Variants in BFSP2 observed in about 807,000 individuals in gnomAD.
BFSP2 encodes phakinin.
BFSP2 carries 38 observed loss-of-function variants against 44.9 expected under a neutral mutation model. That is an observed-to-expected ratio of 0.85 (90% CI 0.65 to 1.11). The LOEUF is 1.11. Among genes scored for constraint, BFSP2 ranks in the 50% least tolerant of loss-of-function variants. BFSP2 has a pLI of 0.00. For synonymous variants in BFSP2, 197 were observed against 209.9 expected (o/e 0.94, Z 0.53); for missense variants, 525 against 533.0 (o/e 0.99, Z 0.15).
intron 4 of BFSP2, among the ~76,000 whole-genome samples, chr3:133,464,795 C>T (rs2074094061): frequency 1.3e-5 from 2 of 152,180 alleles, no homozygotes; most frequent in South Asian, 4.2e-4. Context: ...GTCTGTGTTC[C>T]ATGGGCAGAA....
chr3:133,474,911 G>A, intron 6 of BFSP2, 58 bp from the exon 7 acceptor site: 1 of 1,606,420 alleles, frequency 6.2e-7, no homozygotes, highest in Non-Finnish European at 8.5e-7. Context: ...ATCCTATTGT[G>A]ATAGAATGAC....
At chr3:133,450,983 T>C (rs1049456488) in intron 4 of BFSP2, among the ~76,000 whole-genome samples, 1 of 151,794 alleles carries the variant, frequency 6.6e-6, no homozygotes. Flanking sequence ...CATTGGCAGG[T>C]GCCTGTAGTC....
At chr3:133,415,963 C>T (rs938545847) in intron 1 of BFSP2, among the ~76,000 whole-genome samples, 3 of 147,332 alleles carry the variant, frequency 2.0e-5, no homozygotes, top group Admixed American at 6.7e-5. Context: ...GACCTCTCCC[C>T]TCTGCTCACC....
chr3:133,422,459 C>G (rs1039822540), intron 1 of BFSP2, among the ~76,000 whole-genome samples: 4 of 152,166 alleles, frequency 2.6e-5, no homozygotes, highest in Non-Finnish European at 5.9e-5. Flanking sequence ...CTTCTGTGTA[C>G]CCTGAGATGA....
At chr3:133,452,916 A>T (rs80049807) in intron 4 of BFSP2, among the ~76,000 whole-genome samples, 9 of 152,170 alleles carry the variant, frequency 5.9e-5, no homozygotes, top group Non-Finnish European at 1.3e-4. Flanking sequence ...GAAAAAAAAA[A>T]GGTCATTATT....
chr3:133,407,940 T>C (rs1002789433), intron 1 of BFSP2, among the ~76,000 whole-genome samples: 4 of 152,336 alleles, frequency 2.6e-5, no homozygotes, highest in Non-Finnish European at 1.5e-5. Flanking sequence ...CATAGGTGAA[T>C]TCCTTTATAA....
intron 1 of BFSP2, among the ~76,000 whole-genome samples, chr3:133,424,671 T>A (rs1453704138): frequency 6.6e-6 from 1 of 152,246 alleles, no homozygotes; most frequent in Non-Finnish European, 1.5e-5. Context: ...AGTCTCACTC[T>A]GTCACCCAGG....
In BFSP2 at chr3:133,472,454, G is replaced by C; in HGVS notation, c.1133G>C (p.Arg378Pro). The C allele has an allele frequency of 3.7e-6, 6 of 1,614,054 alleles. No individual in the cohort carries two copies. The highest frequency in any genetic ancestry group is 5.1e-6 in the Non-Finnish European group (6 of 1,180,022). Residue 378 changes from arginine to proline, a missense_variant, in exon 6 of 7, where the codon CGA becomes CCA. Arg to Pro is a moderately radical substitution (Grantham distance 103). Coordinates refer to ENST00000302334, the MANE Select transcript of BFSP2 (RefSeq NM_003571.4). Reference sequence around the variant, plus strand: ...CTGGAGGCGGAGCTCAGGGAAATCCGAGCGGAGGCGGAGCAGCAGCAACAG... The same window carrying C: ...CTGGAGGCGGAGCTCAGGGAAATCCCAGCGGAGGCGGAGCAGCAGCAACAG... ...GRLEAELREI[R>P]AEAEQQQQER...
At chr3:133,425,943 AGGGAGGGGAGGGGGAGGGGGAGGGG>A (rs2073646735) in intron 1 of BFSP2, among the ~76,000 whole-genome samples, 2 of 1,104 alleles carry the variant, frequency 1.8e-3, no homozygotes, top group African/African-American at 5.7e-3. Flanking sequence ...AGGCAAGGGA[AGGGAGGGGAGGGGGAGGGGGAGGGG>A]ATGGGGGAGG....
intron 6 of BFSP2, among the ~76,000 whole-genome samples, chr3:133,472,951 CTTT>C (rs745554127): frequency 7.0e-6 from 1 of 142,082 alleles, no homozygotes; most frequent in Non-Finnish European, 1.5e-5. Context: ...CCCTGCGCAT[CTTT>C]TTTTTTTTTT....
At chr3:133,418,797 C>T (rs1298931685) in intron 1 of BFSP2, among the ~76,000 whole-genome samples, 1 of 152,220 alleles carries the variant, frequency 6.6e-6, no homozygotes, top group Non-Finnish European at 1.5e-5. Context: ...CATCCACAGT[C>T]TTCACTGAAC....
intron 3 of BFSP2, 60 bp downstream of exon 3, chr3:133,448,705 C>A: frequency 6.3e-7 from 1 of 1,592,950 alleles, no homozygotes. Flanking sequence ...ATCTGTCTGC[C>A]TGTGCTTCAT....
intron 1 of BFSP2, among the ~76,000 whole-genome samples, chr3:133,403,933 C>T (rs947365700): frequency 2.0e-5 from 3 of 152,116 alleles, no homozygotes; most frequent in African/African-American, 7.2e-5. Context: ...GAAAGCAACA[C>T]GAAACTAGGG....
At chr3:133,428,482 C>CAA (rs35104282) in intron 1 of BFSP2, among the ~76,000 whole-genome samples, 82 of 147,036 alleles carry the variant, frequency 5.6e-4, no homozygotes, top group East Asian at 1.2e-3. Context: ...AAAATAGTTC[C>CAA]AAAAAAAAAA....
At chr3:133,467,160 G>C (rs190970071) in intron 5 of BFSP2, among the ~76,000 whole-genome samples, 53 of 152,312 alleles carry the variant, frequency 3.5e-4, no homozygotes, top group Middle Eastern at 3.4e-3. Context: ...GTGCCCCACG[G>C]AAATATCTCT....
At chr3:133,468,489 G>C (rs1358184312) in intron 5 of BFSP2, among the ~76,000 whole-genome samples, 1 of 152,114 alleles carries the variant, frequency 6.6e-6, no homozygotes, top group Non-Finnish European at 1.5e-5. Context: ...GCTGGGGCTG[G>C]AACACCCAAA....
At chr3:133,444,013 G>C (rs2073870398) in intron 1 of BFSP2, among the ~76,000 whole-genome samples, 3 of 151,898 alleles carry the variant, frequency 2.0e-5, no homozygotes, top group Admixed American at 2.0e-4. Flanking sequence ...TAGTATTATA[G>C]AAAGAGATAA....
intron 1 of BFSP2, among the ~76,000 whole-genome samples, chr3:133,420,495 A>C (rs2073582888): frequency 6.6e-6 from 1 of 152,146 alleles, no homozygotes; most frequent in African/African-American, 2.4e-5. Flanking sequence ...CCTTGTCTCC[A>C]TCTCCTTCCA....
At chr3:133,427,117 C>T (rs9846931) in intron 1 of BFSP2, among the ~76,000 whole-genome samples, 80,837 of 152,096 alleles carry the variant, frequency 0.53, 24,149 homozygotes, top group East Asian at 0.76. Flanking sequence ...AAAGAAACAA[C>T]AATTTATTCA....
Sources: allele counts gnomAD v4.1 joint callset (sites outside exome capture counted in the v4.1 genomes callset), GRCh38; gene constraint gnomAD v4.1.1; transcripts MANE v1.5; gene names NCBI Gene and HGNC (gene_info 2026-07-23, HGNC 2026-07-21).